MARVELD2: variants seen among roughly 807,000 people sequenced by gnomAD.
MARVELD2 encodes the protein MARVEL domain containing 2.
A neutral mutation model predicts 57.6 loss-of-function variants in MARVELD2; 49 were observed. The observed-to-expected ratio is 0.85, with a 90% CI of 0.68 to 1.08. The LOEUF (loss-of-function observed/expected upper bound fraction) is 1.08. Ranked by LOEUF, MARVELD2 falls within the 50% of genes least tolerant of loss-of-function variation. The pLI is 0.00. For synonymous variants in MARVELD2, 238 were observed against 258.8 expected (o/e 0.92, Z 0.77); for missense variants, 606 against 701.1 (o/e 0.86, Z 1.53).
intron 2 of MARVELD2, among the ~76,000 whole-genome samples, chr5:69,422,118 G>A (rs867681625): frequency 2.0e-5 from 3 of 152,090 alleles, no homozygotes; most frequent in African/African-American, 7.2e-5. Context: ...GAGGATGTAT[G>A]TTGCCTCAGG....
chr5:69,439,768 C>A (rs1410056724), intron 5 of MARVELD2, among the ~76,000 whole-genome samples: 1 of 150,940 alleles, frequency 6.6e-6, no homozygotes, highest in Non-Finnish European at 1.5e-5. Flanking sequence ...AAAAAAAAAA[C>A]GCTGTAAATT....
chr5:69,418,986 G>A (rs1766510996), intron 1 of MARVELD2: 1 of 196,922 alleles, frequency 5.1e-6, no homozygotes, highest in African/African-American at 2.3e-5. Context: ...GGAGTGCAGT[G>A]GCGCAATCTC....
chr5:69,432,834 A>G, intron 4 of MARVELD2, 88 bp from the exon 5 acceptor site: 1 of 1,556,106 alleles, frequency 6.4e-7, no homozygotes, highest in African/African-American at 1.4e-5. Context: ...AAGGTACAAT[A>G]TGATCAGTAA....
chr5:69,441,441 T>G (rs1767322124), intron 6 of MARVELD2, 91 bp from the exon 7 acceptor site: 4 of 1,464,480 alleles, frequency 2.7e-6, no homozygotes, highest in Non-Finnish European at 3.8e-6. Context: ...ACTTTTGCTA[T>G]GTATGATCAT....
chr5:69,431,552 AT>A (rs1377124950), intron 3 of MARVELD2, among the ~76,000 whole-genome samples: 1 of 151,946 alleles, frequency 6.6e-6, no homozygotes, highest in Non-Finnish European at 1.5e-5. Context: ...TACATTTTTT[AT>A]TCTTTTACGT....
chr5:69,417,016 C>T (rs931842942), intron 1 of MARVELD2, among the ~76,000 whole-genome samples: 1 of 152,228 alleles, frequency 6.6e-6, no homozygotes, highest in Admixed American at 6.5e-5. Context: ...CAGATGGCCT[C>T]AGTTCTACTA....
At chr5:69,417,870 C>T (rs577989498) in intron 1 of MARVELD2, among the ~76,000 whole-genome samples, 2 of 149,262 alleles carry the variant, frequency 1.3e-5, no homozygotes, top group Non-Finnish European at 3.0e-5. Context: ...ACCTGGGAGG[C>T]GGAGCTTGCA....
rs1160343058 is a variant in MARVELD2 at position 69,419,527 on chromosome 5, C to A, written c.142C>A (p.Pro48Thr). Residue 48 changes from proline to threonine, a missense_variant, in exon 2 of 7, where the codon CCA (proline) becomes ACA (threonine). Coordinates refer to ENST00000325631, the MANE Select transcript of MARVELD2 (RefSeq NM_001038603.3). ...GGCAGTGAGCGCTGATCCCTTGCCA[C>A]CACCCCCTCTCCCATTACAGCCACC... The part of the protein sequence containing the change: ...ERAVSADPLP[P>T]PPLPLQPPFG... 1 of 1,614,176 alleles carries A rather than the reference C, an allele frequency of 6.2e-7. No homozygotes were observed. Among genetic ancestry groups the A allele is most frequent in the Non-Finnish European group, 8.5e-7 (1 of 1,180,038 alleles).
At chr5:69,421,905 A>G (rs899608267) in intron 2 of MARVELD2, among the ~76,000 whole-genome samples, 1 of 152,004 alleles carries the variant, frequency 6.6e-6, no homozygotes, top group Non-Finnish European at 1.5e-5. Flanking sequence ...CCATGGCAGA[A>G]GAACATAAAT....
At position 69,420,360 on chromosome 5, in the gene MARVELD2, A is replaced by G. The variant is rs1216305748; in HGVS notation, c.975A>G (p.Leu325=). Residue 325 remains leucine (L), a synonymous_variant, in exon 2 of 7, where the codon TTA becomes TTG. Transcript: ENST00000325631. ...TNRGGLCYYP[L]FNTPVNAVFC... The stretch of plus-strand genomic sequence containing the variant: ...GAGGTGGCCTCTGCTACTATCCGTT[A>G]TTTAATACACCAGTGAATGCAGTGT... 1.2e-6 allele frequency: 2 copies of G among 1,614,192 alleles called. No individual in the cohort carries two copies. Among genetic ancestry groups the G allele is most frequent in the Non-Finnish European group, 8.5e-7 (1 of 1,180,038 alleles).
intron 5 of MARVELD2, among the ~76,000 whole-genome samples, chr5:69,436,507 T>A (rs943918923): frequency 4.0e-5 from 6 of 151,886 alleles, no homozygotes; most frequent in Middle Eastern, 3.4e-3. Flanking sequence ...AATCACAGAC[T>A]CTTTGTTAAG....
At chr5:69,419,137 G>T in intron 1 of MARVELD2, 3 of 582,640 alleles carry the variant, frequency 5.1e-6, no homozygotes, top group Non-Finnish European at 9.2e-6. Context: ...TGTTGGTCAG[G>T]CTGGTCTCAA....
rs1767356547 is a variant in MARVELD2 at position 69,442,529 on chromosome 5, A to C, written c.*875A>C. On this transcript the variant is annotated 3_prime_UTR_variant, in exon 7 of 7. Transcript: ENST00000325631. ...AGGAGTTACTAATATGGTAGGAACT[A>C]TATTAGTGTTTGTGAAGTCTACTGA... The C allele has an allele frequency of 6.6e-6, 1 of 152,216 alleles. No individual in the cohort carries two copies. The highest frequency in any genetic ancestry group is 2.1e-4 in the South Asian group (1 of 4,834). The allele number at this position is 152,216 out of a possible 1,614,324, so 9.4% of individuals were successfully genotyped here.
chr5:69,432,256 C>T (rs987641045), intron 3 of MARVELD2, among the ~76,000 whole-genome samples: 1 of 152,060 alleles, frequency 6.6e-6, no homozygotes, highest in African/African-American at 2.4e-5. Flanking sequence ...AGTGGTCAGC[C>T]CACCTCGGTT....
intron 5 of MARVELD2, among the ~76,000 whole-genome samples, chr5:69,437,477 G>A (rs1268167266): frequency 2.0e-5 from 3 of 150,986 alleles, no homozygotes; most frequent in East Asian, 1.9e-4. Flanking sequence ...GAGGTCAGGA[G>A]ATCGAGACCA....
Position 69,444,147 on chromosome 5 carries a change from T to C in MARVELD2, c.*2493T>C, listed in dbSNP as rs1003809585. ...ATGTAGCTAATCTTTGAAAAACCAA[T>C]GCAGTAACACTGATTTGTAAATGTT... On this transcript the variant is annotated 3_prime_UTR_variant, in exon 7 of 7. Transcript: ENST00000325631. 20 of 152,026 alleles carry C rather than the reference T, an allele frequency of 1.3e-4. No individual in the cohort carries two copies. Among genetic ancestry groups the C allele is most frequent in the African/African-American group, 4.8e-4 (20 of 41,420 alleles). 9.4% of individuals were successfully genotyped at this position (152,026 alleles called of 1,614,324 possible).
intron 5 of MARVELD2, among the ~76,000 whole-genome samples, chr5:69,435,970 T>C (rs533093413): frequency 6.6e-6 from 1 of 152,238 alleles, no homozygotes; most frequent in East Asian, 1.9e-4. Flanking sequence ...TCAATACATA[T>C]TCCTTTTTGT....
chr5:69,417,424 AAGGCAGGTT>A lies in MARVELD2; in HGVS notation c.-15-1945_-15-1937del, dbSNP rs553715168. ...AGTATACTTTCAGCATGCCTGGTGC[AAGGCAGGTT>A]AAATGAAGGGTCTTCGTTTTCCAAA... On this transcript the variant is annotated intron_variant, in intron 1 of 6. Transcript: ENST00000325631. Among the ~76,000 whole-genome samples, 455 of 152,330 alleles carry A rather than the reference AAGGCAGGTT, an allele frequency of 3.0e-3. 1 individual carries two copies. The highest frequency in any genetic ancestry group is 4.5e-3 in the Non-Finnish European group (303 of 68,032).
chr5:69,434,189 C>T (rs986636247), intron 5 of MARVELD2, among the ~76,000 whole-genome samples: 9 of 152,022 alleles, frequency 5.9e-5, no homozygotes, highest in African/African-American at 1.2e-4. Context: ...AATGGCCAGG[C>T]GCAGTGGCTT....
Sources: gnomAD v4.1 joint callset for allele counts (sites outside exome capture counted in the v4.1 genomes callset) on GRCh38, gnomAD v4.1.1 for gene constraint, MANE v1.5 for transcripts, NCBI Gene and HGNC (gene_info 2026-07-23, HGNC 2026-07-21) for gene names.